SPTSSA: variants seen among roughly 807,000 people sequenced by gnomAD.
SPTSSA encodes the protein serine palmitoyltransferase small subunit A.
In SPTSSA, 8 loss-of-function variants were observed where a neutral mutation model predicts 9.1. The ratio of observed to expected loss-of-function variants is 0.88; its 90% confidence interval spans 0.51 to 1.58. SPTSSA has a LOEUF of 1.58. SPTSSA is among the 40% of genes most tolerant of loss of function. The pLI is 0.00. For missense variants in SPTSSA, 100 were observed against 93.8 expected (o/e 1.07, Z -0.27); for synonymous variants, 42 against 37.7 (o/e 1.11, Z -0.41).
At chr14:34,448,843 T>A (rs927068030) in intron 1 of SPTSSA, among the ~76,000 whole-genome samples, 2 of 148,786 alleles carry the variant, frequency 1.3e-5, no homozygotes, top group African/African-American at 5.0e-5. Flanking sequence ...TACAAAAAAA[T>A]TAAAAAATTA....
At chr14:34,456,089 G>A (rs888718507) in intron 1 of SPTSSA, among the ~76,000 whole-genome samples, 1 of 151,514 alleles carries the variant, frequency 6.6e-6, no homozygotes, top group African/African-American at 2.4e-5. Flanking sequence ...TTTGGGAGGC[G>A]GAGGCAGGCG....
At chr14:34,442,451 CAG>C (rs1335842298) in intron 1 of SPTSSA, among the ~76,000 whole-genome samples, 7 of 152,190 alleles carry the variant, frequency 4.6e-5, no homozygotes, top group African/African-American at 1.4e-4. Flanking sequence ...CACCTAAGGT[CAG>C]AGACATCTGG....
chr14:34,454,263 C>G (rs1883575141), intron 1 of SPTSSA, among the ~76,000 whole-genome samples: 1 of 152,148 alleles, frequency 6.6e-6, no homozygotes, highest in Non-Finnish European at 1.5e-5. Context: ...ATCACAAAGT[C>G]TTTAAGAAAA....
At chr14:34,451,717 CAAAA>C (rs35096900) in intron 1 of SPTSSA, among the ~76,000 whole-genome samples, 1,656 of 77,204 alleles carry the variant, frequency 0.021, 38 homozygotes, top group African/African-American at 0.065. Flanking sequence ...GACTCTGTTT[CAAAA>C]AAAAAAAAAA....
At chr14:34,451,488 C>G (rs1406044953) in intron 1 of SPTSSA, among the ~76,000 whole-genome samples, 1 of 152,040 alleles carries the variant, frequency 6.6e-6, no homozygotes, top group Non-Finnish European at 1.5e-5. Flanking sequence ...CTTTGGGAGG[C>G]CAAGGTGGGC....
intron 1 of SPTSSA, among the ~76,000 whole-genome samples, chr14:34,450,690 A>C (rs1883505230): frequency 6.6e-6 from 1 of 152,182 alleles, no homozygotes; most frequent in African/African-American, 2.4e-5. Context: ...CTGACTTTTA[A>C]GTGTTTGACA....
Position 34,435,225 on chromosome 14 carries a change from C to A in SPTSSA, c.192G>T (p.Leu64Phe). 1 of 1,613,628 alleles carries A rather than the reference C, an allele frequency of 6.2e-7. No individual in the cohort carries two copies. Among genetic ancestry groups the A allele is most frequent in the South Asian group, 1.1e-5 (1 of 90,994 alleles). Residue 64 changes from leucine (L) to phenylalanine (F), a missense_variant, in exon 2 of 2, where the codon TTG (leucine) becomes TTT (phenylalanine). By Grantham distance (22) the Leu-to-Phe change is conservative. Coordinates refer to ENST00000298130, the MANE Select transcript of SPTSSA (RefSeq NM_138288.4). ...VFMPQHIMAI[L>F]HYFEIVQ ...GTCATTGTACGATTTCAAAGTAGTG[C>A]AATATCGCCATGATGTGCTGGGGCA...
Position 34,435,199 on chromosome 14 carries a change from G to A in SPTSSA, c.*2C>T. The A allele has an allele frequency of 6.2e-7, 1 of 1,611,560 alleles. No homozygotes were observed. On this transcript the variant is annotated 3_prime_UTR_variant, in exon 2 of 2. Coordinates refer to ENST00000298130, the MANE Select transcript of SPTSSA (RefSeq NM_138288.4). ...GAACCTCTGATCCTGGTCGCATCTT[G>A]GTCATTGTACGATTTCAAAGTAGTG...
intron 1 of SPTSSA, among the ~76,000 whole-genome samples, chr14:34,458,907 T>TA (rs1314398232): frequency 6.9e-6 from 1 of 145,642 alleles, no homozygotes; most frequent in Non-Finnish European, 1.5e-5. Context: ...ATTACAACTT[T>TA]TTTTTTTTTT....
intron 1 of SPTSSA, among the ~76,000 whole-genome samples, chr14:34,449,733 C>T (rs566706660): frequency 0.013 from 1,783 of 141,978 alleles, 11 homozygotes; most frequent in Non-Finnish European, 0.019. Flanking sequence ...GAACTCCTGG[C>T]CTCAGGTGAT....
intron 1 of SPTSSA, among the ~76,000 whole-genome samples, chr14:34,436,836 A>G (rs1224092752): frequency 6.6e-6 from 1 of 152,152 alleles, no homozygotes; most frequent in Non-Finnish European, 1.5e-5. Flanking sequence ...AGCAAACAAG[A>G]GCAGAAAGTC....
At chr14:34,437,879 C>T (rs1454405348) in intron 1 of SPTSSA, among the ~76,000 whole-genome samples, 2 of 152,190 alleles carry the variant, frequency 1.3e-5, no homozygotes, top group South Asian at 2.1e-4. Flanking sequence ...TAGTTCACCA[C>T]AGCCTCGACC....
intron 1 of SPTSSA, among the ~76,000 whole-genome samples, chr14:34,457,011 C>T (rs1012349546): frequency 1.3e-5 from 2 of 149,080 alleles, no homozygotes; most frequent in African/African-American, 5.0e-5. Flanking sequence ...GGAGCATTTG[C>T]TCTGTTGCCC....
chr14:34,443,815 T>G (rs919528311), intron 1 of SPTSSA, among the ~76,000 whole-genome samples: 1 of 152,136 alleles, frequency 6.6e-6, no homozygotes, highest in Non-Finnish European at 1.5e-5. Flanking sequence ...GGATTACAGA[T>G]ATGAGCCACT....
At chr14:34,452,245 CAAAAA>C (rs532756986) in intron 1 of SPTSSA, among the ~76,000 whole-genome samples, 57 of 97,078 alleles carry the variant, frequency 5.9e-4, no homozygotes, top group African/African-American at 1.6e-3. Context: ...GACTCAATCT[CAAAAA>C]AAAAAAAAAA....
chr14:34,455,510 G>C (rs929808151), intron 1 of SPTSSA, among the ~76,000 whole-genome samples: 4 of 152,192 alleles, frequency 2.6e-5, no homozygotes, highest in African/African-American at 9.7e-5. Flanking sequence ...GGAAGACTGT[G>C]TCACCAACTA....
Position 34,433,563 on chromosome 14 carries a change from T to C in SPTSSA, c.*1638A>G, listed in dbSNP as rs1056815769. On this transcript the variant is annotated 3_prime_UTR_variant, in exon 2 of 2. Coordinates refer to ENST00000298130, the MANE Select transcript of SPTSSA (RefSeq NM_138288.4). ...TATTATTCTCACTACTCCTATCTAA[T>C]TGTGGTATCAATTGGCTCTAAAAAT... 4 of 152,172 alleles carry C rather than the reference T, an allele frequency of 2.6e-5. No homozygotes were observed. Among genetic ancestry groups the C allele is most frequent in the Non-Finnish European group, 5.9e-5 (4 of 68,026 alleles). 9.4% of individuals were successfully genotyped at this position (152,172 alleles called of 1,614,324 possible).
At position 34,451,065 on chromosome 14, in the gene SPTSSA, T is replaced by TA. The variant is rs546786841; in HGVS notation, c.112+11030dup. Among the ~76,000 whole-genome samples, 211 of 141,746 alleles carry TA rather than the reference T, an allele frequency of 1.5e-3. 1 individual carries two copies. The highest frequency in any genetic ancestry group is 3.4e-3 in the African/African-American group (131 of 38,660). 93.0% of individuals were successfully genotyped at this position (141,746 alleles called of 152,430 possible). On this transcript the variant is annotated intron_variant, in intron 1 of 1. Transcript: ENST00000298130. ...CATAAAAAGACCATTATCAGCAACTTAAAAAAAAAAAGTCCTATAATAAAG... is the reference window on the plus strand; with the variant it reads ...CATAAAAAGACCATTATCAGCAACTTAAAAAAAAAAAAGTCCTATAATAAAG...
At chr14:34,447,516 T>G (rs1883441832) in intron 1 of SPTSSA, among the ~76,000 whole-genome samples, 1 of 152,104 alleles carries the variant, frequency 6.6e-6, no homozygotes, top group African/African-American at 2.4e-5. Flanking sequence ...CATGAGGACT[T>G]AACCTATAAA....
Sources: allele counts gnomAD v4.1 joint callset (sites outside exome capture counted in the v4.1 genomes callset), GRCh38; gene constraint gnomAD v4.1.1; transcripts MANE v1.5; gene names NCBI Gene and HGNC (gene_info 2026-07-23, HGNC 2026-07-21).